Variants in MUC5B observed in about 807,000 individuals in gnomAD.
MUC5B encodes the protein mucin-5B.
A neutral mutation model predicts 376.9 loss-of-function variants in MUC5B; 116 were observed. The observed-to-expected ratio is 0.31, with a 90% CI of 0.26 to 0.36. MUC5B has a LOEUF of 0.36. Ranked by LOEUF, MUC5B falls within the 10% of genes least tolerant of loss-of-function variation. MUC5B has a pLI of 1.00. For synonymous variants in MUC5B, 3,517 were observed against 3,390.9 expected, an observed-to-expected ratio of 1.04 and a Z score of -1.29; for missense variants, 7,165 against 7,769.9, an observed-to-expected ratio of 0.92 and a Z score of 2.93.
chr11:1,255,303 G>C, intron 36 of MUC5B, 37 bp downstream of exon 36: 1 of 1,505,810 alleles, frequency 6.6e-7, no homozygotes, highest in Non-Finnish European at 8.9e-7. Flanking sequence ...GCCCTGGGGC[G>C]CCCCCGCCCG....
Position 1,230,132 on chromosome 11 carries a change from G to A in MUC5B, c.1348G>A (p.Val450Ile), listed in dbSNP as rs1861989987. The part of the protein sequence containing the change: ...LYDLHGDCSY[V>I]LSKKCADSSF... The stretch of plus-strand genomic sequence containing the variant: ...CGACCTGCATGGTGACTGCAGCTAC[G>A]TTCTGTCCAAGGTCTGGGCTTGGGG... The change falls in exon 11 of 49, where the codon GTT (valine) becomes ATT (isoleucine). Residue 450 changes from valine to isoleucine, a missense_variant. Coordinates refer to ENST00000529681, the MANE Select transcript of MUC5B (RefSeq NM_002458.3). 7 of 1,606,694 alleles carry A rather than the reference G, an allele frequency of 4.4e-6. No homozygotes were observed. Among genetic ancestry groups the A allele is most frequent in the Middle Eastern group, 1.7e-4 (1 of 6,028 alleles).
intron 7 of MUC5B, 91 bp downstream of exon 7, chr11:1,227,872 G>C (rs1390244238): frequency 6.3e-6 from 4 of 634,900 alleles, no homozygotes; most frequent in East Asian, 2.8e-5. Flanking sequence ...TTCCCAGCTG[G>C]TGGAGAGATG....
chr11:1,230,752 C>G (rs1190775175), intron 12 of MUC5B, among the ~76,000 whole-genome samples, 152 bp downstream of exon 12: 1 of 151,762 alleles, frequency 6.6e-6, no homozygotes, highest in Non-Finnish European at 1.5e-5. Context: ...AGGTCAGGTC[C>G]CCCCTCCAGC....
At chr11:1,237,770 G>T (rs1019786884) in intron 25 of MUC5B, among the ~76,000 whole-genome samples, 8 of 152,238 alleles carry the variant, frequency 5.3e-5, no homozygotes, top group African/African-American at 1.9e-4. Flanking sequence ...TCGGGAGGCT[G>T]AGGCAGGAGA....
In MUC5B at chr11:1,241,144, C is replaced by T. The variant is rs200541846; in HGVS notation, c.4264C>T (p.Leu1422=). Residue 1422 remains leucine (L), a synonymous_variant, in exon 31 of 49, where the codon CTG becomes TTG. Coordinates refer to ENST00000529681, the MANE Select transcript of MUC5B (RefSeq NM_002458.3). The part of the protein sequence containing the change: ...QSPPLCHDYE[L]RVLCCEYVPC... Reference sequence around the variant, plus strand: ...TCCCCCGCTCTGTCACGACTACGAGCTGCGGGTTCTCTGCTGCGAATACGT... The same window carrying T: ...TCCCCCGCTCTGTCACGACTACGAGTTGCGGGTTCTCTGCTGCGAATACGT... 1.6e-4 allele frequency: 259 copies of T among 1,608,908 alleles called. No individual in the cohort carries two copies. Among genetic ancestry groups the T allele is most frequent in the Non-Finnish European group, 1.4e-5 (17 of 1,177,942 alleles).
rs913729869 is a variant in MUC5B, at chr11:1,258,703, G to T, written c.16594-239G>T. On this transcript the variant is annotated intron_variant, in intron 43 of 48. Coordinates refer to ENST00000529681, the MANE Select transcript of MUC5B (RefSeq NM_002458.3). This position sits in a 1 kb window ranked among gnomAD's most constrained non-coding sequence, Gnocchi z 5.5. Reference sequence around the variant, plus strand: ...CCTGCCAGATTCCTGCCCCCATGGGGTCTCTGCCCACCCAGATTCCTGCCC... The same window carrying T: ...CCTGCCAGATTCCTGCCCCCATGGGTTCTCTGCCCACCCAGATTCCTGCCC... 9.2e-5 allele frequency among the ~76,000 whole-genome samples: 14 copies of T among 151,878 alleles called. No homozygotes were observed. The highest frequency in any genetic ancestry group is 3.3e-4 in the Admixed American group (5 of 15,268).
intron 47 of MUC5B, 87 bp downstream of exon 47, chr11:1,260,480 A>G: frequency 6.5e-7 from 1 of 1,537,660 alleles, no homozygotes; most frequent in Non-Finnish European, 9.0e-7. Flanking sequence ...TGCACTAGGC[A>G]GCAGTGGGAT....
chr11:1,243,792 C>T lies in MUC5B; in HGVS notation c.6912C>T (p.Ala2304=). The part of the protein sequence containing the change: ...STLLPSSPTS[A]PITTVVTMGC... ...TGCTGCCCAGCAGCCCCACATCGGC[C>T]CCCATAACCACGGTGGTGACCATGG... Residue 2304 remains alanine, a synonymous_variant, in exon 31 of 49, where the codon GCC becomes GCT. Transcript: ENST00000529681. 6.2e-7 allele frequency: 1 copy of T among 1,611,716 alleles called. No homozygotes were observed. The highest frequency in any genetic ancestry group is 8.5e-7 in the Non-Finnish European group (1 of 1,179,654).
intron 22 of MUC5B, 28 bp downstream of exon 22, chr11:1,235,251 A>G: frequency 6.2e-7 from 1 of 1,611,144 alleles, no homozygotes; most frequent in Non-Finnish European, 8.5e-7. Context: ...CCACTCCTGC[A>G]GGCCGGGCAC....
rs1299677303 is a variant in MUC5B, at chr11:1,241,483, G to A, written c.4603G>A (p.Ala1535Thr). The A allele has an allele frequency of 1.9e-6, 3 of 1,613,662 alleles. No homozygotes were observed. In the African/African-American group the frequency reaches 4.0e-5, roughly 22 times the overall value. ...CGTTGAGTCCTACGATAAGATCAGG[G>A]CCGCTGGAGGGCACTTATGCCAGCA... is the stretch of plus-strand genomic sequence containing the variant. Reference protein sequence around the residue: ...GDVESYDKIRAAGGHLCQQPK... With the variant: ...GDVESYDKIRTAGGHLCQQPK... The change falls in exon 31 of 49, where the codon GCC (alanine) becomes ACC (threonine). Residue 1535 changes from alanine (A) to threonine (T), a missense_variant. Ala to Thr is a moderately conservative substitution (Grantham distance 58). Coordinates refer to ENST00000529681, the MANE Select transcript of MUC5B (RefSeq NM_002458.3).
rs374133226 is a variant in MUC5B, at chr11:1,241,862, G to C, written c.4982G>C (p.Arg1661Thr). ...CTCTCAGAAGGACTGACATCCCCCA[G>C]ATACACAAGCACCCTTGGTACAGCC... The part of the protein sequence containing the change: ...PTLSEGLTSP[R>T]YTSTLGTATT... The change falls in exon 31 of 49, where the codon AGA (arginine) becomes ACA (threonine). Residue 1661 changes from arginine (R) to threonine (T), a missense_variant. This residue lies in a region of MUC5B where 897 missense variants were observed against 779.6 expected (regional missense o/e 1.15). Coordinates refer to ENST00000529681, the MANE Select transcript of MUC5B (RefSeq NM_002458.3). The C allele has an allele frequency of 1.2e-6, 2 of 1,613,328 alleles. No homozygotes were observed. The highest frequency in any genetic ancestry group is 4.5e-5 in the East Asian group (2 of 44,852).
In MUC5B at chr11:1,242,680, C is replaced by G. The variant is rs1279434189; in HGVS notation, c.5800C>G (p.Pro1934Ala). 1 of 1,561,552 alleles carries G rather than the reference C, an allele frequency of 6.4e-7. No individual in the cohort carries two copies. Residue 1934 changes from proline to alanine, a missense_variant, in exon 31 of 49, where the codon CCC (proline) becomes GCC (alanine). Transcript: ENST00000529681. Reference protein sequence around the residue: ...ATPTSTLRTAPPPKVLTTTAT... With the variant: ...ATPTSTLRTAAPPKVLTTTAT... ...CCCGACCTCCACCCTGAGAACAGCTCCCCCTCCCAAAGTGCTGACCACCAC... is the reference window on the plus strand; with the variant it reads ...CCCGACCTCCACCCTGAGAACAGCTGCCCCTCCCAAAGTGCTGACCACCAC...
chr11:1,240,622 C>T (rs917085699), intron 30 of MUC5B, among the ~76,000 whole-genome samples: 3 of 152,222 alleles, frequency 2.0e-5, no homozygotes, highest in Admixed American at 6.5e-5. Flanking sequence ...TCCGTCCCAT[C>T]CCTCAGCACG....
At position 1,250,285 on chromosome 11, in the gene MUC5B, G is replaced by T. The variant is rs1418260346; in HGVS notation, c.13405G>T (p.Ala4469Ser). 1 of 1,610,980 alleles carries T rather than the reference G, an allele frequency of 6.2e-7. No individual in the cohort carries two copies. The highest frequency in any genetic ancestry group is 1.3e-5 in the African/African-American group (1 of 74,088). ...VTVPTGSTAT[A>S]SSTQATAGTP... ...GGTGCCCACCGGATCCACGGCCACCGCCTCCTCCACCCAGGCAACTGCTGG... is the reference window on the plus strand; with the variant it reads ...GGTGCCCACCGGATCCACGGCCACCTCCTCCTCCACCCAGGCAACTGCTGG... The change falls in exon 31 of 49, where the codon GCC (alanine) becomes TCC (serine). Residue 4469 changes from alanine (A) to serine (S), a missense_variant. Transcript: ENST00000529681.
intron 18 of MUC5B, among the ~76,000 whole-genome samples, 192 bp downstream of exon 18, chr11:1,233,460 T>C (rs1305331647): frequency 6.6e-6 from 1 of 151,412 alleles, no homozygotes. Context: ...GGAGAGGAGG[T>C]GGCCCTGGGA....
intron 4 of MUC5B, 57 bp from the exon 5 acceptor site, chr11:1,226,974 G>C (rs1266355429): frequency 6.4e-7 from 1 of 1,564,460 alleles, no homozygotes; most frequent in Non-Finnish European, 8.7e-7. Context: ...GGGGGGGGTT[G>C]GGTGGGCAGG....
intron 35 of MUC5B, 31 bp from the exon 36 acceptor site, chr11:1,255,010 T>C: frequency 6.4e-7 from 1 of 1,551,708 alleles, no homozygotes; most frequent in Non-Finnish European, 8.7e-7. Flanking sequence ...CTCCCCAGAT[T>C]CCAGCCCCGC....
At position 1,244,739 on chromosome 11, in the gene MUC5B, C is replaced by A. The variant is rs1452632200; in HGVS notation, c.7859C>A (p.Pro2620His). The A allele has an allele frequency of 2.5e-6, 4 of 1,612,338 alleles. No homozygotes were observed. Among genetic ancestry groups the A allele is most frequent in the African/African-American group, 2.7e-5 (2 of 74,882 alleles). Residue 2620 changes from proline to histidine, a missense_variant, in exon 31 of 49, where the codon CCC (proline) becomes CAC (histidine). Around this residue, in one of 31 missense-constraint regions of MUC5B, gnomAD observed 141 missense variants for 111.2 expected, o/e 1.27. Transcript: ENST00000529681. ...ACAACCACGGGCTTCACAGCCACCC[C>A]CTCCTCCAGCCCAGGGACGGCACGC... ...TTTTTGFTAT[P>H]SSSPGTARTL...
At chr11:1,226,530 C>A in intron 3 of MUC5B, 85 bp from the exon 4 acceptor site, 1 of 1,501,950 alleles carries the variant, frequency 6.7e-7, no homozygotes, top group Non-Finnish European at 8.9e-7. Flanking sequence ...CTTTTCCATT[C>A]CAAAAACCAG....
Sources: allele counts gnomAD v4.1 joint callset (sites outside exome capture counted in the v4.1 genomes callset), GRCh38; gene constraint gnomAD v4.1.1; regional missense constraint gnomAD v4.1.1; non-coding constraint Gnocchi (gnomAD v3.1); transcripts MANE v1.5; gene names NCBI Gene and HGNC (gene_info 2026-07-23, HGNC 2026-07-21).